ZWILCH: variants seen among roughly 807,000 people sequenced by gnomAD.
ZWILCH encodes protein zwilch homolog.
A neutral mutation model predicts 79.9 loss-of-function variants in ZWILCH; 74 were observed. That is an observed-to-expected ratio of 0.93 (90% CI 0.77 to 1.12). ZWILCH has a LOEUF of 1.12. ZWILCH is among the 50% of genes most tolerant of loss of function. The pLI is 0.00. For missense variants in ZWILCH, 694 were observed against 687.5 expected (o/e 1.01, Z -0.11); for synonymous variants, 241 against 228.2 (o/e 1.06, Z -0.51).
intron 6 of ZWILCH, 88 bp from the exon 7 acceptor site, chr15:66,520,962 T>C: frequency 6.9e-7 from 1 of 1,456,876 alleles, no homozygotes. Context: ...CTTTTTTCTT[T>C]TGGGACAAGG....
In ZWILCH at chr15:66,532,188, A is replaced by T. The variant is rs4488397; in HGVS notation, c.1156-59A>T. 451,084 of 1,325,752 alleles carry T rather than the reference A, an allele frequency of 0.34. 78,387 individuals carry two copies. The highest frequency in any genetic ancestry group is 0.37 in the South Asian group (22,591 of 60,834). 82.1% of individuals were successfully genotyped at this position (1,325,752 alleles called of 1,614,324 possible). On this transcript the variant is annotated intron_variant, in intron 12 of 18. Transcript: ENST00000307897. ...AGCTACTGTAATTTGCTTCTCTTTT[A>T]CTTGTTGGGTTTATTTATATATTTA...
intron 17 of ZWILCH, among the ~76,000 whole-genome samples, chr15:66,543,298 G>A (rs764653873): frequency 9.9e-5 from 15 of 152,210 alleles, no homozygotes; most frequent in Non-Finnish European, 1.5e-4. Context: ...AAGACTATTA[G>A]TTGTGGTATT....
intron 14 of ZWILCH, 70 bp downstream of exon 14, chr15:66,533,083 G>A: frequency 9.3e-7 from 1 of 1,069,852 alleles, no homozygotes; most frequent in South Asian, 1.6e-5. Context: ...GTTATTAACT[G>A]CCAATAATAT....
intron 2 of ZWILCH, 177 bp from the exon 3 acceptor site, chr15:66,513,811 T>G: frequency 2.8e-6 from 1 of 353,722 alleles, no homozygotes. Flanking sequence ...GACCTCGTGA[T>G]CCACCTGCCT....
At chr15:66,513,716 C>T (rs936615628) in intron 2 of ZWILCH, among the ~76,000 whole-genome samples, 20 of 151,974 alleles carry the variant, frequency 1.3e-4, no homozygotes, top group Admixed American at 3.3e-4. Context: ...GGACTACAGG[C>T]GCCCGCCACC....
intron 1 of ZWILCH, among the ~76,000 whole-genome samples, chr15:66,506,231 G>A (rs1339757551): frequency 2.0e-5 from 3 of 151,896 alleles, no homozygotes; most frequent in Admixed American, 1.3e-4. Context: ...AAGTAGTGAC[G>A]CTTGTAAACG....
chr15:66,511,990 A>G (rs1490700518), intron 2 of ZWILCH, among the ~76,000 whole-genome samples: 3 of 152,208 alleles, frequency 2.0e-5, no homozygotes, highest in Non-Finnish European at 4.4e-5. Context: ...AGGCAGTCTA[A>G]TAGTATCAGT....
At position 66,540,935 on chromosome 15, in the gene ZWILCH, G is replaced by A. The variant is rs1000347672; in HGVS notation, c.1687+725G>A. 5.3e-5 allele frequency among the ~76,000 whole-genome samples: 8 copies of A among 151,352 alleles called. No homozygotes were observed. In the South Asian group the frequency reaches 1.5e-3, roughly 28 times the overall value. ...AGCCACCACTCCTGGCCTGTGCCCAGTTTTAAGTAATTTTCCCGAACTCTA... is the reference window on the plus strand; with the variant it reads ...AGCCACCACTCCTGGCCTGTGCCCAATTTTAAGTAATTTTCCCGAACTCTA... On this transcript the variant is annotated intron_variant, in intron 17 of 18. Coordinates refer to ENST00000307897, the MANE Select transcript of ZWILCH (RefSeq NM_017975.5).
Position 66,548,507 on chromosome 15 carries a change from G to A in ZWILCH, c.*183G>A. 1 of 1,602,312 alleles carries A rather than the reference G, an allele frequency of 6.2e-7. No homozygotes were observed. The highest frequency in any genetic ancestry group is 8.5e-7 in the Non-Finnish European group (1 of 1,169,854). On this transcript the variant is annotated 3_prime_UTR_variant, in exon 19 of 19. Transcript: ENST00000307897. ...ATCCTGTCTCAGCTCTGCCTCCTCAGGAGGAGCATTAGTAGAACAGCAGTG... is the reference window on the plus strand; with the variant it reads ...ATCCTGTCTCAGCTCTGCCTCCTCAAGAGGAGCATTAGTAGAACAGCAGTG...
At chr15:66,529,460 C>G in intron 11 of ZWILCH, 34 bp from the exon 12 acceptor site, 1 of 1,493,918 alleles carries the variant, frequency 6.7e-7, no homozygotes, top group African/African-American at 1.4e-5. Context: ...TAGAAATACC[C>G]TGAAAATAAT....
At chr15:66,514,786 T>G (rs1317412581) in intron 3 of ZWILCH, among the ~76,000 whole-genome samples, 1 of 152,192 alleles carries the variant, frequency 6.6e-6, no homozygotes, top group Non-Finnish European at 1.5e-5. Context: ...TAGTACCCAC[T>G]AACACCAATC....
intron 10 of ZWILCH, 92 bp from the exon 11 acceptor site, chr15:66,528,760 A>C: frequency 2.0e-6 from 2 of 1,012,732 alleles, no homozygotes; most frequent in Non-Finnish European, 3.0e-6. Context: ...TGTGTTCATG[A>C]ATCCATAATT....
Position 66,548,428 on chromosome 15 carries a change from G to A in ZWILCH, c.*104G>A. 1 of 834,246 alleles carries A rather than the reference G, an allele frequency of 1.2e-6. No homozygotes were observed. Among genetic ancestry groups the A allele is most frequent in the Non-Finnish European group, 1.9e-6 (1 of 513,916 alleles). 51.7% of individuals were successfully genotyped at this position (834,246 alleles called of 1,614,324 possible). ...ACAGCAATGTATGGAAACCCTCAAA[G>A]CAGAAAAGGGAGGAAGATCCTGAAG... On this transcript the variant is annotated 3_prime_UTR_variant, in exon 19 of 19. Coordinates refer to ENST00000307897, the MANE Select transcript of ZWILCH (RefSeq NM_017975.5).
intron 2 of ZWILCH, among the ~76,000 whole-genome samples, chr15:66,509,143 T>A (rs1042015971): frequency 6.6e-6 from 1 of 152,152 alleles, no homozygotes; most frequent in Non-Finnish European, 1.5e-5. Context: ...GGTTTCACCA[T>A]GTTAGCCAGG....
intron 2 of ZWILCH, 166 bp from the exon 3 acceptor site, chr15:66,513,822 G>T (rs34340636): frequency 0.066 from 24,598 of 371,372 alleles, 1,011 homozygotes; most frequent in Middle Eastern, 0.096. Flanking sequence ...CCACCTGCCT[G>T]GGCCTCCCGA....
chr15:66,534,673 G>A (rs758463722), intron 14 of ZWILCH, among the ~76,000 whole-genome samples: 1 of 152,034 alleles, frequency 6.6e-6, no homozygotes, highest in African/African-American at 2.4e-5. Flanking sequence ...TAAAAATAAC[G>A]TACAAAAGAT....
intron 10 of ZWILCH, among the ~76,000 whole-genome samples, chr15:66,528,152 G>A (rs1029633084): frequency 8.5e-5 from 13 of 152,142 alleles, no homozygotes; most frequent in Non-Finnish European, 1.9e-4. Flanking sequence ...CACCCAGGCT[G>A]GAATGCAGTG....
chr15:66,527,426 G>A, intron 9 of ZWILCH, 43 bp downstream of exon 9: 1 of 1,444,912 alleles, frequency 6.9e-7, no homozygotes, highest in Non-Finnish European at 9.7e-7. Flanking sequence ...TACTTGCTAT[G>A]TTTAAATATA....
At chr15:66,514,277 C>T (rs1423293049) in intron 3 of ZWILCH, 194 bp downstream of exon 3, 1 of 318,140 alleles carries the variant, frequency 3.1e-6, no homozygotes, top group Non-Finnish European at 5.8e-6. Context: ...CTTGTAGCCT[C>T]ATTAAGAAAT....
Sources: allele counts gnomAD v4.1 joint callset (sites outside exome capture counted in the v4.1 genomes callset), GRCh38; gene constraint gnomAD v4.1.1; transcripts MANE v1.5; gene names NCBI Gene and HGNC (gene_info 2026-07-23, HGNC 2026-07-21).